RSPH3: variants seen among roughly 807,000 people sequenced by gnomAD.
RSPH3 encodes the protein radial spoke head 3.
In RSPH3, 21 loss-of-function variants were observed where a neutral mutation model predicts 43.8. The observed-to-expected ratio is 0.48, with a 90% CI of 0.34 to 0.69. The LOEUF is 0.69. Ranked by LOEUF, RSPH3 falls within the 30% of genes least tolerant of loss-of-function variation. The probability of loss-of-function intolerance (pLI) is 0.01; values close to 1 mark genes in which losing one functional copy is unlikely to be tolerated. For synonymous variants in RSPH3, 173 were observed against 179.8 expected, an observed-to-expected ratio of 0.96 and a Z score of 0.30; for missense variants, 487 against 516.0, an observed-to-expected ratio of 0.94 and a Z score of 0.54.
intron 1 of RSPH3, among the ~76,000 whole-genome samples, 153 bp downstream of exon 1, chr6:158,999,282 C>T (rs1778762386): frequency 6.6e-6 from 1 of 152,234 alleles, no homozygotes; most frequent in Admixed American, 6.5e-5. Flanking sequence ...CTCCACACCA[C>T]GGGAGATTCC....
intron 6 of RSPH3, among the ~76,000 whole-genome samples, chr6:158,979,692 AT>A (rs1362325425): frequency 1.3e-5 from 2 of 152,194 alleles, no homozygotes; most frequent in African/African-American, 2.4e-5. Context: ...TTTGTATTGA[AT>A]TGAATATGTA....
At chr6:158,971,357 T>C (rs1777692217), downstream of RSPH3, among the ~76,000 whole-genome samples, 1 of 152,236 alleles carries the variant, frequency 6.6e-6, no homozygotes, top group Non-Finnish European at 1.5e-5. Flanking sequence ...AATACTGATT[T>C]TGGCAATTCT....
At chr6:158,990,543 T>C (rs1019037676) in intron 2 of RSPH3, 1 of 152,224 alleles carries the variant, frequency 6.6e-6, no homozygotes, top group African/African-American at 2.4e-5. Flanking sequence ...TTGAAAAATA[T>C]TGTGCCACTT....
At position 158,986,263 on chromosome 6, in the gene RSPH3, A is replaced by G; in HGVS notation, c.346+17T>C. ...AGTAAACCAAGAGGACACAATGCCA[A>G]GGGCACAGTCACACACCTGTTTGCA... On this transcript the variant is annotated intron_variant, in intron 3 of 7. Transcript: ENST00000367069. 2 of 1,610,542 alleles carry G rather than the reference A, an allele frequency of 1.2e-6. No homozygotes were observed. The highest frequency in any genetic ancestry group is 1.7e-6 in the Non-Finnish European group (2 of 1,178,706).
rs574533457 is a variant in RSPH3 at position 158,975,144 on chromosome 6, T to C, written c.*2394A>G. 2 of 152,284 alleles carry C rather than the reference T, an allele frequency of 1.3e-5. No homozygotes were observed. The highest frequency in any genetic ancestry group is 3.9e-4 in the East Asian group (2 of 5,184). 9.4% of individuals were successfully genotyped at this position (152,284 alleles called of 1,614,324 possible). ...GCAAGCCACCGTGCCTGGCCCAATT[T>C]TAAGGTTTCTAAAAGCTAGTTGTAG... On this transcript the variant is annotated 3_prime_UTR_variant, in exon 8 of 8. Coordinates refer to ENST00000367069, the MANE Select transcript of RSPH3 (RefSeq NM_031924.8).
At chr6:158,983,910 C>A in intron 3 of RSPH3, 103 bp from the exon 4 acceptor site, 1 of 762,882 alleles carries the variant, frequency 1.3e-6, no homozygotes, top group Non-Finnish European at 2.2e-6. Context: ...GAGGAGGGTG[C>A]ATTACTTGAA....
At chr6:158,981,681 G>A (rs1222714967) in intron 5 of RSPH3, among the ~76,000 whole-genome samples, 1 of 152,064 alleles carries the variant, frequency 6.6e-6, no homozygotes, top group African/African-American at 2.4e-5. Flanking sequence ...ACACAACTAA[G>A]TATTCATCTT....
intron 2 of RSPH3, 51 bp downstream of exon 2, chr6:158,993,788 C>T: frequency 1.0e-6 from 1 of 960,710 alleles, no homozygotes; most frequent in African/African-American, 1.6e-5. Flanking sequence ...ACTGATCCTT[C>T]CCCATAGATA....
intron 2 of RSPH3, among the ~76,000 whole-genome samples, chr6:158,986,994 G>T (rs1778254281): frequency 6.6e-6 from 1 of 152,308 alleles, no homozygotes; most frequent in African/African-American, 2.4e-5. Flanking sequence ...CTAGTGTGAA[G>T]TTTAACACCA....
intron 2 of RSPH3, among the ~76,000 whole-genome samples, chr6:158,990,984 A>G (rs1385425824): frequency 6.7e-6 from 1 of 149,306 alleles, no homozygotes; most frequent in African/African-American, 2.5e-5. Context: ...TTCCTATGCC[A>G]TTTCCAATGT....
chr6:158,983,589 T>C, intron 4 of RSPH3, 73 bp downstream of exon 4: 1 of 1,089,388 alleles, frequency 9.2e-7, no homozygotes, highest in Non-Finnish European at 1.4e-6. Flanking sequence ...CTTGCTCATA[T>C]TAAGCATTAT....
chr6:158,968,288 G>A (rs1583691508), downstream of RSPH3, among the ~76,000 whole-genome samples: 1 of 152,184 alleles, frequency 6.6e-6, no homozygotes, highest in East Asian at 1.9e-4. Context: ...AGGCTGGAGT[G>A]CAGTGGCATG....
chr6:158,985,730 G>GT (rs942626947), intron 3 of RSPH3, among the ~76,000 whole-genome samples: 9 of 149,152 alleles, frequency 6.0e-5, no homozygotes, highest in Admixed American at 5.3e-4. Context: ...TCTTCTTTTT[G>GT]TTTTTTTTAA....
chr6:158,965,770 T>C, the RSPH3 span, among the ~76,000 whole-genome samples: 1 of 152,276 alleles, frequency 6.6e-6, no homozygotes, highest in South Asian at 2.1e-4. Flanking sequence ...CTAAATGCCA[T>C]GACTAGAACT....
chr6:158,968,036 C>A (rs566476817), downstream of RSPH3, among the ~76,000 whole-genome samples: 19 of 152,124 alleles, frequency 1.2e-4, no homozygotes, highest in South Asian at 1.7e-3. Flanking sequence ...CAATCTTTGC[C>A]TTCTGGTTAG....
chr6:158,978,408 A>AC, intron 6 of RSPH3, 62 bp from the exon 7 acceptor site: 1 of 800,532 alleles, frequency 1.2e-6, no homozygotes, highest in Non-Finnish European at 2.1e-6. Context: ...CTTTTCTCTT[A>AC]ATGTAATAGA....
In RSPH3 at chr6:158,977,763, C is replaced by T; in HGVS notation, c.1032G>A (p.Glu344=). 2 of 1,614,126 alleles carry T rather than the reference C, an allele frequency of 1.2e-6. No homozygotes were observed. Among genetic ancestry groups the T allele is most frequent in the Non-Finnish European group, 1.7e-6 (2 of 1,179,972 alleles). Residue 344 remains glutamate, a synonymous_variant, in exon 8 of 8, where the codon GAG becomes GAA. Coordinates refer to ENST00000367069, the MANE Select transcript of RSPH3 (RefSeq NM_031924.8). ...DTHQSPEPED[E]PGGPGAMTES... ...CTGTCATTGCTCCAGGACCACCAGG[C>T]TCATCCTCGGGTTCTGGAGACTGAT...
chr6:158,973,731 T>TA lies in RSPH3; in HGVS notation c.*3806dup, dbSNP rs1777747778. ...CCACGCTCATAGCCCTCAGATGGCT[T>TA]AAATGTAATGATGCCTATGCTAGAG... On this transcript the variant is annotated 3_prime_UTR_variant, in exon 8 of 8. Coordinates refer to ENST00000367069, the MANE Select transcript of RSPH3 (RefSeq NM_031924.8). The TA allele has an allele frequency of 6.6e-6, 1 of 152,190 alleles. No individual in the cohort carries two copies. The highest frequency in any genetic ancestry group is 2.1e-4 in the South Asian group (1 of 4,834). The allele number at this position is 152,190 out of a possible 1,614,324, so 9.4% of individuals were successfully genotyped here. A position where few individuals can be genotyped will look rare whatever the true frequency, so the allele number is the denominator to read the frequency against.
chr6:158,984,618 G>A (rs1778164525), intron 3 of RSPH3, among the ~76,000 whole-genome samples: 1 of 151,360 alleles, frequency 6.6e-6, no homozygotes, highest in East Asian at 1.9e-4. Flanking sequence ...TTCATGTTAG[G>A]AGTAATTTAT....
Sources: gnomAD v4.1 joint callset for allele counts (sites outside exome capture counted in the v4.1 genomes callset) on GRCh38, gnomAD v4.1.1 for gene constraint, MANE v1.5 for transcripts, NCBI Gene and HGNC (gene_info 2026-07-23, HGNC 2026-07-21) for gene names.